ANKRD42: variants seen among roughly 807,000 people sequenced by gnomAD.
The protein encoded by ANKRD42 is ankyrin repeat domain 42, also known as ankyrin repeat domain-containing protein 42.
In ANKRD42, 43 loss-of-function variants were observed where a neutral mutation model predicts 51.5. That is an observed-to-expected ratio of 0.83 (90% CI 0.65 to 1.08). The LOEUF is 1.08. Among genes scored for constraint, ANKRD42 ranks in the 50% least tolerant of loss-of-function variants. The pLI, the probability that ANKRD42 is intolerant of heterozygous loss-of-function variation, is 0.00. For synonymous variants in ANKRD42, 203 were observed against 213.0 expected (o/e 0.95, Z 0.41); for missense variants, 608 against 629.3 (o/e 0.97, Z 0.36).
At chr11:83,229,943 A>G (rs1863017320) in intron 7 of ANKRD42, among the ~76,000 whole-genome samples, 1 of 152,224 alleles carries the variant, frequency 6.6e-6, no homozygotes, top group Admixed American at 6.5e-5. Flanking sequence ...TATTCACATC[A>G]TGGAGAATGG....
At chr11:83,219,488 T>A (rs59351445) in intron 5 of ANKRD42, among the ~76,000 whole-genome samples, 1 of 152,168 alleles carries the variant, frequency 6.6e-6, no homozygotes, top group East Asian at 1.9e-4. Context: ...GTATAGTAAG[T>A]TTAAAGGGGG....
rs183249371 is a variant in ANKRD42 at position 83,242,075 on chromosome 11, C to T, written c.1195+1141C>T. On this transcript the variant is annotated intron_variant, in intron 9 of 10. Transcript: ENST00000533342. ...TAACTACCAGTGATATTGGACATCT[C>T]CATTCTTGTTTTGCTTCCACCTTTT... 2.6e-3 allele frequency among the ~76,000 whole-genome samples: 402 copies of T among 152,264 alleles called. 1 individual carries two copies. Among genetic ancestry groups the T allele is most frequent in the Middle Eastern group, 0.01 (3 of 294 alleles).
chr11:83,204,899 A>G (rs977726490), intron 2 of ANKRD42, among the ~76,000 whole-genome samples: 1 of 152,232 alleles, frequency 6.6e-6, no homozygotes, highest in Admixed American at 6.5e-5. Context: ...GCAATTAAAC[A>G]TATGAAAAGA....
intron 7 of ANKRD42, among the ~76,000 whole-genome samples, chr11:83,232,784 TAAG>T (rs1372362806): frequency 6.6e-6 from 1 of 152,158 alleles, no homozygotes; most frequent in Non-Finnish European, 1.5e-5. Context: ...GGGTTTTTAT[TAAG>T]AAGAGATGTT....
downstream of ANKRD42, among the ~76,000 whole-genome samples, chr11:83,263,408 C>T (rs1864046517): frequency 6.6e-6 from 1 of 152,142 alleles, no homozygotes; most frequent in African/African-American, 2.4e-5. Context: ...GGAGCCATCT[C>T]CAATTTCTTT....
intron 7 of ANKRD42, among the ~76,000 whole-genome samples, chr11:83,235,707 A>C (rs1863203529): frequency 6.6e-6 from 1 of 152,234 alleles, no homozygotes; most frequent in Non-Finnish European, 1.5e-5. Context: ...CTTGAGTTTC[A>C]AGATGGATGA....
chr11:83,208,772 G>A (rs1590970386), intron 3 of ANKRD42, among the ~76,000 whole-genome samples: 2 of 152,310 alleles, frequency 1.3e-5, no homozygotes, highest in Middle Eastern at 6.8e-3. Context: ...TGAGTTTAAT[G>A]TGTCTGTAGG....
downstream of ANKRD42, chr11:83,262,105 A>T: frequency 1.8e-6 from 1 of 566,022 alleles, no homozygotes; most frequent in Non-Finnish European, 3.1e-6. Flanking sequence ...TTTATTCCCT[A>T]GACAATTAAG....
At chr11:83,254,098 G>A (rs1863720953) in intron 11 of ANKRD42, among the ~76,000 whole-genome samples, 1 of 151,764 alleles carries the variant, frequency 6.6e-6, no homozygotes, top group South Asian at 2.1e-4. Flanking sequence ...CCTCAGCCTC[G>A]TGAGTAGCTG....
intron 8 of ANKRD42, among the ~76,000 whole-genome samples, chr11:83,238,987 C>G (rs954346784): frequency 2.1e-5 from 3 of 142,542 alleles, no homozygotes; most frequent in African/African-American, 5.4e-5. Context: ...CCAACCTAGG[C>G]GACTGAGCTA....
chr11:83,261,796 C>G (rs1394147361), downstream of ANKRD42: 5 of 711,368 alleles, frequency 7.0e-6, no homozygotes, highest in Non-Finnish European at 1.2e-5. Flanking sequence ...AGTCCGTATA[C>G]ACTTCGAATA....
intron 2 of ANKRD42, among the ~76,000 whole-genome samples, chr11:83,202,453 G>A (rs1861907943): frequency 6.6e-6 from 1 of 152,210 alleles, no homozygotes; most frequent in South Asian, 2.1e-4. Flanking sequence ...TTTTTGCTTA[G>A]GATTGCCTTA....
At chr11:83,243,602 G>T (rs1240399869) in intron 9 of ANKRD42, among the ~76,000 whole-genome samples, 1 of 152,086 alleles carries the variant, frequency 6.6e-6, no homozygotes, top group Non-Finnish European at 1.5e-5. Flanking sequence ...GGTTATGGTG[G>T]TTCCCAAACC....
chr11:83,233,186 T>C (rs1863130777), intron 7 of ANKRD42, among the ~76,000 whole-genome samples: 1 of 151,912 alleles, frequency 6.6e-6, no homozygotes, highest in Non-Finnish European at 1.5e-5. Flanking sequence ...TTTGATAGAA[T>C]TCAGCAATGA....
intron 5 of ANKRD42, among the ~76,000 whole-genome samples, chr11:83,223,945 CTT>C (rs201525854): frequency 5.6e-4 from 76 of 135,496 alleles, no homozygotes; most frequent in Admixed American, 6.0e-4. Flanking sequence ...AGATTCATTC[CTT>C]TTTTTTTTTT....
intron 5 of ANKRD42, chr11:83,214,648 G>A (rs1862459042): frequency 3.9e-6 from 3 of 764,252 alleles, no homozygotes; most frequent in Non-Finnish European, 4.8e-6. Context: ...ACATTCATTT[G>A]TATCAAATTT....
chr11:83,239,899 A>G (rs1380249692), intron 8 of ANKRD42, among the ~76,000 whole-genome samples: 2 of 152,256 alleles, frequency 1.3e-5, no homozygotes, highest in African/African-American at 4.8e-5. Context: ...GTAAGCACTC[A>G]GTAAATGACA....
intron 5 of ANKRD42, chr11:83,213,141 G>A (rs754317820): frequency 1.7e-4 from 272 of 1,601,668 alleles, no homozygotes; most frequent in Middle Eastern, 8.3e-4. Flanking sequence ...AACAGGGTTC[G>A]TAGAAGGTTC....
chr11:83,201,537 C>G (rs1238170217), intron 2 of ANKRD42, among the ~76,000 whole-genome samples: 2 of 152,158 alleles, frequency 1.3e-5, no homozygotes, highest in Non-Finnish European at 2.9e-5. Context: ...ATTGCTGGGT[C>G]AAATGGTATT....
Sources: allele counts gnomAD v4.1 joint callset (sites outside exome capture counted in the v4.1 genomes callset), GRCh38; gene constraint gnomAD v4.1.1; transcripts MANE v1.5; gene names NCBI Gene and HGNC (gene_info 2026-07-23, HGNC 2026-07-21).